DMTN: variants seen among roughly 807,000 people sequenced by gnomAD.
DMTN encodes dematin actin binding protein.
Under a neutral mutation model 59.4 loss-of-function variants are expected in DMTN, and 27 were observed. That is an observed-to-expected ratio of 0.45 (90% CI 0.33 to 0.63). The LOEUF (loss-of-function observed/expected upper bound fraction) is 0.63, where lower values mean the gene tolerates loss of function less well. DMTN is among the 20% of genes least tolerant of loss of function. DMTN has a pLI of 0.02. For missense variants in DMTN, 451 were observed against 528.9 expected, an observed-to-expected ratio of 0.85 and a Z score of 1.45; for synonymous variants, 221 against 203.7, an observed-to-expected ratio of 1.08 and a Z score of -0.72.
chr8:22,066,926 AG>A, intron 2 of DMTN, 33 bp downstream of exon 2: 1 of 1,237,432 alleles, frequency 8.1e-7, no homozygotes, highest in Non-Finnish European at 1.0e-6. Flanking sequence ...GGGGCCGCCG[AG>A]GGCGGGTGGG....
intron 1 of DMTN, among the ~76,000 whole-genome samples, chr8:22,064,541 C>T (rs1041009362): frequency 2.6e-5 from 4 of 152,084 alleles, no homozygotes; most frequent in African/African-American, 4.8e-5. Context: ...TCACTGCAAG[C>T]TCCGCCTCCT....
chr8:22,080,658 A>T, intron 13 of DMTN, 33 bp downstream of exon 13: 1 of 1,596,524 alleles, frequency 6.3e-7, no homozygotes, highest in Non-Finnish European at 8.5e-7. Context: ...CAGGCAGAGC[A>T]GCAGAAGCTG....
At chr8:22,062,895 C>T (rs1378269980) in intron 1 of DMTN, among the ~76,000 whole-genome samples, 1 of 150,384 alleles carries the variant, frequency 6.6e-6, no homozygotes, top group African/African-American at 2.4e-5. Flanking sequence ...TCACTAGAGA[C>T]TTCCTGGCCC....
intron 14 of DMTN, 64 bp downstream of exon 14, chr8:22,080,934 G>A: frequency 1.3e-6 from 2 of 1,517,790 alleles, no homozygotes; most frequent in Non-Finnish European, 8.9e-7. Flanking sequence ...CCAGGCAAGT[G>A]GAATGTGCTG....
intron 7 of DMTN, 47 bp from the exon 8 acceptor site, chr8:22,070,135 T>A: frequency 6.4e-7 from 1 of 1,556,720 alleles, no homozygotes; most frequent in Non-Finnish European, 8.7e-7. Flanking sequence ...GTAGCCAAGT[T>A]GGCCTCGGGC....
At chr8:22,061,497 G>A (rs927613935) in intron 1 of DMTN, among the ~76,000 whole-genome samples, 1 of 152,054 alleles carries the variant, frequency 6.6e-6, no homozygotes, top group Admixed American at 6.6e-5. Context: ...CTGAGACATG[G>A]CTTACCCTGG....
chr8:22,072,460 C>T lies in DMTN; in HGVS notation c.729+10C>T, dbSNP rs374037093. ...AGAGGAACTCAGTAAGGTAGCATCT[C>T]ACCACCCCCACCCTCCACCCCTGTG... On this transcript the variant is annotated intron_variant, in intron 9 of 15. Coordinates refer to ENST00000358242, the MANE Select transcript of DMTN (RefSeq NM_001387751.1). 239 of 1,546,776 alleles carry T rather than the reference C, an allele frequency of 1.5e-4. 1 individual carries two copies. In the South Asian group the frequency reaches 1.6e-3, roughly 10 times the overall value.
upstream of DMTN, among the ~76,000 whole-genome samples, chr8:22,052,794 T>C (rs780999814): frequency 8.5e-5 from 13 of 152,182 alleles, no homozygotes; most frequent in Non-Finnish European, 1.5e-4. Flanking sequence ...AGGGCATACT[T>C]GCTTGCAATC....
chr8:22,062,388 G>GC (rs1268118193), intron 1 of DMTN, among the ~76,000 whole-genome samples: 303 of 152,266 alleles, frequency 2.0e-3, no homozygotes, highest in African/African-American at 7.1e-3. Flanking sequence ...ATAAGCCACT[G>GC]CCCAGCTCAT....
At chr8:22,050,648 GAAGGGA>G (rs1585556850), upstream of DMTN, among the ~76,000 whole-genome samples, 3 of 152,094 alleles carry the variant, frequency 2.0e-5, no homozygotes, top group Non-Finnish European at 2.9e-5. Flanking sequence ...GAGGGACAGA[GAAGGGA>G]GAGGGAGAGG....
chr8:22,064,072 G>A (rs574844054), intron 1 of DMTN, among the ~76,000 whole-genome samples: 8 of 152,324 alleles, frequency 5.3e-5, no homozygotes, highest in African/African-American at 1.9e-4. Flanking sequence ...AGAGATGGAT[G>A]GATGCAGGGA....
chr8:22,054,438 G>A (rs762037937), upstream of DMTN, among the ~76,000 whole-genome samples: 8 of 152,116 alleles, frequency 5.3e-5, no homozygotes, highest in East Asian at 3.9e-4. Flanking sequence ...TCACAGAGAC[G>A]GCAGAGGTGT....
At chr8:22,081,092 T>TGGGGGGGGGGGGGGGGGGGGGGCGGG in intron 14 of DMTN, 21 bp from the exon 15 acceptor site, 1 of 1,547,318 alleles carries the variant, frequency 6.5e-7, no homozygotes, top group Non-Finnish European at 8.9e-7. Flanking sequence ...AGCCTAAGAT[T>TGGGGGGGGGGGGGGGGGGGGGGCGGG]GCCCCTCCCC....
Position 22,067,167 on chromosome 8 carries a change from C to A in DMTN, c.93+8C>A, listed in dbSNP as rs557803678. 11 of 1,608,808 alleles carry A rather than the reference C, an allele frequency of 6.8e-6. No individual in the cohort carries two copies. The highest frequency in any genetic ancestry group is 1.3e-5 in the African/African-American group (1 of 74,610). ...TCTCCCTCCAGCATCGTGGTGAGTACCCCTCTCGGCCACCAGCAACCCCTG... is the reference window on the plus strand; with the variant it reads ...TCTCCCTCCAGCATCGTGGTGAGTAACCCTCTCGGCCACCAGCAACCCCTG... On this transcript the variant is annotated splice_region_variant and intron_variant, in intron 3 of 15. Coordinates refer to ENST00000358242, the MANE Select transcript of DMTN (RefSeq NM_001387751.1).
At chr8:22,049,755 C>T (rs1328569204), upstream of DMTN, among the ~76,000 whole-genome samples, 5 of 152,118 alleles carry the variant, frequency 3.3e-5, no homozygotes, top group African/African-American at 1.2e-4. Context: ...GGATGTACCC[C>T]TTCCAGCCTG....
At chr8:22,069,211 C>T in intron 5 of DMTN, 151 bp downstream of exon 5, 2 of 1,006,782 alleles carry the variant, frequency 2.0e-6, no homozygotes, top group African/African-American at 1.6e-5. Flanking sequence ...CTGTGTCCAT[C>T]ATTCTGTCGG....
intron 1 of DMTN, among the ~76,000 whole-genome samples, chr8:22,059,907 C>T (rs181786819): frequency 2.4e-4 from 37 of 152,238 alleles, no homozygotes; most frequent in Admixed American, 7.2e-4. Context: ...GATGAGTGGG[C>T]ACAAACTCGG....
At chr8:22,053,728 C>T (rs1457049969), upstream of DMTN, 1 of 152,280 alleles carries the variant, frequency 6.6e-6, no homozygotes, top group Non-Finnish European at 1.5e-5. Context: ...AATCCTGGCC[C>T]CGTGTTGTGG....
chr8:22,073,914 C>T lies in DMTN; in HGVS notation c.835+79C>T, dbSNP rs925057694. 4 of 1,222,570 alleles carry T rather than the reference C, an allele frequency of 3.3e-6. No individual in the cohort carries two copies. The African/African-American group carries it at 4.4e-5, about 14-fold the overall frequency. 75.7% of individuals were successfully genotyped at this position (1,222,570 alleles called of 1,614,324 possible). ...TCTGTGCATCTGTTGACTTGTGACA[C>T]ATACAGGATGCAATCCCTGACCCAA... On this transcript the variant is annotated intron_variant, in intron 10 of 15. Transcript: ENST00000358242.
Sources: allele counts gnomAD v4.1 joint callset (sites outside exome capture counted in the v4.1 genomes callset), GRCh38; gene constraint gnomAD v4.1.1; transcripts MANE v1.5; gene names NCBI Gene and HGNC (gene_info 2026-07-23, HGNC 2026-07-21).